PDX1: variants seen among roughly 807,000 people sequenced by gnomAD.
PDX1 encodes pancreatic and duodenal homeobox 1, also known as pancreas/duodenum homeobox protein 1.
Under a neutral mutation model 11.1 loss-of-function variants are expected in PDX1, and 7 were observed. The observed-to-expected ratio is 0.63, with a 90% confidence interval of 0.36 to 1.19. The LOEUF (loss-of-function observed/expected upper bound fraction) is 1.19, where lower values mean the gene tolerates loss of function less well. Ranked by LOEUF, PDX1 falls within the 50% of genes most tolerant of loss-of-function variation. The probability of loss-of-function intolerance (pLI) is 0.02; values close to 1 mark genes in which losing one functional copy is unlikely to be tolerated. For missense variants in PDX1, 449 were observed against 412.1 expected (o/e 1.09, Z -0.78); for synonymous variants, 232 against 196.2 (o/e 1.18, Z -1.53).
Position 27,924,190 on chromosome 13 carries a change from T to G in PDX1, c.407-66T>G. 1.4e-6 allele frequency: 2 copies of G among 1,405,666 alleles called. No homozygotes were observed. The highest frequency in any genetic ancestry group is 1.9e-6 in the Non-Finnish European group (2 of 1,049,250). 87.1% of individuals were successfully genotyped at this position (1,405,666 alleles called of 1,614,324 possible). The stretch of plus-strand genomic sequence containing the variant: ...GCTCCCTGGCCCCCCTTGAAGGGGT[T>G]GGGCTGCGTGGGTGGGGGCTGTGCG... On this transcript the variant is annotated intron_variant, in intron 1 of 1. Transcript: ENST00000381033. This position sits in a 1 kb window ranked among gnomAD's most constrained non-coding sequence, Gnocchi z 4.8.
chr13:27,920,349 C>G lies in PDX1; in HGVS notation c.211C>G (p.Pro71Ala). Residue 71 changes from proline (P) to alanine (A), a missense_variant, in exon 1 of 2, where the codon CCC becomes GCC. By Grantham distance (27) the Pro-to-Ala change is conservative. Around this residue, in one of 3 missense-constraint regions of PDX1, gnomAD observed 263 missense variants for 212.5 expected, o/e 1.24. Coordinates refer to ENST00000381033, the MANE Select transcript of PDX1 (RefSeq NM_000209.4). Reference protein sequence around the residue: ...SPPDISPYEVPPLADDPAVAH... With the variant: ...SPPDISPYEVAPLADDPAVAH... Reference sequence around the variant, plus strand: ...CCCGGACATCTCCCCGTACGAGGTGCCCCCCCTCGCCGACGACCCCGCGGT... The same window carrying G: ...CCCGGACATCTCCCCGTACGAGGTGGCCCCCCTCGCCGACGACCCCGCGGT... The G allele has an allele frequency of 6.5e-7, 1 of 1,531,384 alleles. No homozygotes were observed. The highest frequency in any genetic ancestry group is 8.8e-7 in the Non-Finnish European group (1 of 1,132,650). The allele number at this position is 1,531,384 out of a possible 1,614,324, so 94.9% of individuals were successfully genotyped here. A position where few individuals can be genotyped will look rare whatever the true frequency, so the allele number is the denominator to read the frequency against.
In PDX1 at chr13:27,924,569, G is replaced by A. The variant is rs1566025704; in HGVS notation, c.720G>A (p.Pro240=). The change falls in exon 2 of 2, where the codon CCG becomes CCA. Residue 240 remains proline (P), a synonymous_variant. Coordinates refer to ENST00000381033, the MANE Select transcript of PDX1 (RefSeq NM_000209.4). The surrounding 1 kb of genome is among the most constrained non-coding windows in gnomAD (Gnocchi z 4.8). ...GCGAGGAGCTTCTGGCGCTGCCGCC[G>A]CCGCCGCCCCCCGGAGGTGCTGTGC... ...TSGEELLALP[P]PPPPGGAVPP... 2.0e-6 allele frequency: 3 copies of A among 1,511,962 alleles called. No individual in the cohort carries two copies. The highest frequency in any genetic ancestry group is 2.6e-6 in the Non-Finnish European group (3 of 1,135,454). 93.7% of individuals were successfully genotyped at this position (1,511,962 alleles called of 1,614,324 possible).
At position 27,920,062 on chromosome 13, in the gene PDX1, T is replaced by G. The variant is rs1400484427; in HGVS notation, c.-77T>G. The G allele has an allele frequency of 2.6e-6, 4 of 1,523,660 alleles. No homozygotes were observed. The African/African-American group carries it at 5.5e-5, about 21-fold the overall frequency. 94.4% of individuals were successfully genotyped at this position (1,523,660 alleles called of 1,614,324 possible). ...CGCCGGGAGTGGGAACGCCACACAG[T>G]GCCAAATCCCCGGCTCCAGCTCCCG... On this transcript the variant is annotated 5_prime_UTR_variant, in exon 1 of 2. Coordinates refer to ENST00000381033, the MANE Select transcript of PDX1 (RefSeq NM_000209.4).
At chr13:27,920,756 G>T (rs1957780316) in intron 1 of PDX1, among the ~76,000 whole-genome samples, 1 of 152,156 alleles carries the variant, frequency 6.6e-6, no homozygotes, top group Non-Finnish European at 1.5e-5. Context: ...TCCTGGGAGT[G>T]TACACTCCTT....
At chr13:27,920,670 A>G (rs149360955) in intron 1 of PDX1, 126 bp downstream of exon 1, 4 of 948,508 alleles carry the variant, frequency 4.2e-6, no homozygotes, top group Non-Finnish European at 6.7e-6. Context: ...ACTAAACTAC[A>G]TCAGGGAGCT....
Position 27,924,369 on chromosome 13 carries a change from C to T in PDX1, c.520C>T (p.Pro174Ser). The change falls in exon 2 of 2, where the codon CCG becomes TCG. Residue 174 changes from proline (P) to serine (S), a missense_variant. Around this residue, in one of 3 missense-constraint regions of PDX1, gnomAD observed 47 missense variants for 78.2 expected, o/e 0.60. Coordinates refer to ENST00000381033, the MANE Select transcript of PDX1 (RefSeq NM_000209.4). This position sits in a 1 kb window ranked among gnomAD's most constrained non-coding sequence, Gnocchi z 4.8. ...CCTATTCAACAAGTACATCTCACGG[C>T]CGCGCCGGGTGGAGCTGGCTGTCAT... Reference protein sequence around the residue: ...EFLFNKYISRPRRVELAVMLN... With the variant: ...EFLFNKYISRSRRVELAVMLN... 4 of 1,612,824 alleles carry T rather than the reference C, an allele frequency of 2.5e-6. No individual in the cohort carries two copies. The highest frequency in any genetic ancestry group is 3.4e-6 in the Non-Finnish European group (4 of 1,179,916).
rs756308187 is a variant in PDX1 at position 27,920,539 on chromosome 13, G to T, written c.401G>T (p.Trp134Leu). The T allele has an allele frequency of 3.7e-6, 6 of 1,612,986 alleles. No homozygotes were observed. The Admixed American group carries it at 8.3e-5, about 22-fold the overall frequency. Residue 134 changes from tryptophan to leucine, a missense_variant, in exon 1 of 2, where the codon TGG (tryptophan) becomes TTG (leucine). Around this residue, in one of 3 missense-constraint regions of PDX1, gnomAD observed 263 missense variants for 212.5 expected, o/e 1.24. Transcript: ENST00000381033. ...AAAGCTCACGCGTGGAAAGGCCAGT[G>T]GGCAGGTAAGCCTGGCTCCCCACCC... ...STKAHAWKGQ[W>L]AGGAYAAEPE...
intron 1 of PDX1, among the ~76,000 whole-genome samples, chr13:27,923,542 G>A (rs1389354171): frequency 1.3e-5 from 2 of 152,198 alleles, no homozygotes; most frequent in Non-Finnish European, 2.9e-5. Context: ...GACTAATTAC[G>A]ATATAACTAT....
Position 27,924,758 on chromosome 13 carries a change from G to A in PDX1, c.*57G>A. The A allele has an allele frequency of 4.5e-6, 6 of 1,326,508 alleles. No individual in the cohort carries two copies. The highest frequency in any genetic ancestry group is 5.8e-6 in the Non-Finnish European group (6 of 1,026,100). 82.2% of individuals were successfully genotyped at this position (1,326,508 alleles called of 1,614,324 possible). A position where few individuals can be genotyped will look rare whatever the true frequency, so the allele number is the denominator to read the frequency against. On this transcript the variant is annotated 3_prime_UTR_variant, in exon 2 of 2. Transcript: ENST00000381033. The surrounding 1 kb of genome is among the most constrained non-coding windows in gnomAD (Gnocchi z 4.8). ...CAACCACTCGCCGAGGAGGAGCAGA[G>A]GGCCTAGGAGGACCCCGGGCGTGGA... is the stretch of plus-strand genomic sequence containing the variant.
At chr13:27,923,590 G>T (rs1593170044) in intron 1 of PDX1, among the ~76,000 whole-genome samples, 1 of 152,242 alleles carries the variant, frequency 6.6e-6, no homozygotes, top group African/African-American at 2.4e-5. Context: ...AACAAAATGT[G>T]TCACAGTCTC....
Position 27,924,757 on chromosome 13 carries a change from A to T in PDX1, c.*56A>T. ...TCAACCACTCGCCGAGGAGGAGCAG[A>T]GGGCCTAGGAGGACCCCGGGCGTGG... On this transcript the variant is annotated 3_prime_UTR_variant, in exon 2 of 2. Coordinates refer to ENST00000381033, the MANE Select transcript of PDX1 (RefSeq NM_000209.4). The surrounding 1 kb of genome is among the most constrained non-coding windows in gnomAD (Gnocchi z 4.8). 1 of 1,324,822 alleles carries T rather than the reference A, an allele frequency of 7.5e-7. No individual in the cohort carries two copies. Among genetic ancestry groups the T allele is most frequent in the East Asian group, 3.1e-5 (1 of 32,104 alleles). 82.1% of individuals were successfully genotyped at this position (1,324,822 alleles called of 1,614,324 possible). A position where few individuals can be genotyped will look rare whatever the true frequency, so the allele number is the denominator to read the frequency against.
At position 27,926,267 on chromosome 13, in the gene PDX1, GGAT is replaced by G. The variant is rs1399099120; in HGVS notation, c.*1570_*1572del. On this transcript the variant is annotated 3_prime_UTR_variant, in exon 2 of 2. Coordinates refer to ENST00000381033, the MANE Select transcript of PDX1 (RefSeq NM_000209.4). ...TTTGTTTCAAACCTTTCTGGCAGTGGGATGATTCGAATTCACTTTTAAAATTAA... is the reference window on the plus strand; with the variant it reads ...TTTGTTTCAAACCTTTCTGGCAGTGGGATTCGAATTCACTTTTAAAATTAA... The G allele has an allele frequency of 6.6e-6, 1 of 152,110 alleles. No homozygotes were observed. Among genetic ancestry groups the G allele is most frequent in the Non-Finnish European group, 1.5e-5 (1 of 68,020 alleles). The allele number at this position is 152,110 out of a possible 1,614,324, so 9.4% of individuals were successfully genotyped here.
chr13:27,920,858 T>C (rs1957781285), intron 1 of PDX1, among the ~76,000 whole-genome samples: 1 of 152,194 alleles, frequency 6.6e-6, no homozygotes, highest in Admixed American at 6.5e-5. Context: ...GCTCAGGGCT[T>C]CGGACACTAC....
chr13:27,923,020 A>C (rs566320613), intron 1 of PDX1, among the ~76,000 whole-genome samples: 48 of 152,084 alleles, frequency 3.2e-4, no homozygotes, highest in Non-Finnish European at 5.1e-4. Context: ...TCGCGAAATT[A>C]AACCCGCCCC....
intron 1 of PDX1, among the ~76,000 whole-genome samples, chr13:27,921,435 G>A (rs75988935): frequency 1.9e-4 from 29 of 152,222 alleles, no homozygotes; most frequent in Admixed American, 1.6e-3. Context: ...GGTCCTTTGC[G>A]GCCCCGCGCG....
intron 1 of PDX1, among the ~76,000 whole-genome samples, chr13:27,921,600 C>A (rs765353676): frequency 6.6e-6 from 1 of 152,240 alleles, no homozygotes; most frequent in Non-Finnish European, 1.5e-5. Context: ...AGCCGGCGTC[C>A]CCCGGCCCAC....
At position 27,920,146 on chromosome 13, in the gene PDX1, G is replaced by C. The variant is rs1380564366; in HGVS notation, c.8G>C (p.Gly3Ala). The change falls in exon 1 of 2, where the codon GGC becomes GCC. Residue 3 changes from glycine to alanine, a missense_variant. Transcript: ENST00000381033. MNGEEQYYAATQL... is the reference protein window; with the variant it reads MNAEEQYYAATQL... ...CAATCCCGGGCCGCAGCCATGAACG[G>C]CGAGGAGCAGTACTACGCGGCCACG... The C allele has an allele frequency of 2.6e-5, 40 of 1,549,648 alleles. No homozygotes were observed. The highest frequency in any genetic ancestry group is 3.3e-5 in the Non-Finnish European group (38 of 1,146,682).
chr13:27,924,956 G>A lies in PDX1; in HGVS notation c.*255G>A. The A allele has an allele frequency of 2.4e-6, 1 of 416,080 alleles. No individual in the cohort carries two copies. Among genetic ancestry groups the A allele is most frequent in the Non-Finnish European group, 4.2e-6 (1 of 239,322 alleles). 25.8% of individuals were successfully genotyped at this position (416,080 alleles called of 1,614,324 possible). On this transcript the variant is annotated 3_prime_UTR_variant, in exon 2 of 2. Coordinates refer to ENST00000381033, the MANE Select transcript of PDX1 (RefSeq NM_000209.4). This position sits in a 1 kb window ranked among gnomAD's most constrained non-coding sequence, Gnocchi z 4.8. ...TTTGTAGTATTGGGGCCCTCTTTTAGTGATACTGGATTGGCGTTGTTTGTG... is the reference window on the plus strand; with the variant it reads ...TTTGTAGTATTGGGGCCCTCTTTTAATGATACTGGATTGGCGTTGTTTGTG...
rs1957816934 is a variant in PDX1 at position 27,925,314 on chromosome 13, C to CTTCCTCCTGCTCTCCT, written c.*621_*636dup. The CTTCCTCCTGCTCTCCT allele has an allele frequency of 6.5e-6, 1 of 154,570 alleles. No homozygotes were observed. Among genetic ancestry groups the CTTCCTCCTGCTCTCCT allele is most frequent in the African/African-American group, 2.7e-5 (1 of 37,296 alleles). 9.6% of individuals were successfully genotyped at this position (154,570 alleles called of 1,614,324 possible). A position where few individuals can be genotyped will look rare whatever the true frequency, so the allele number is the denominator to read the frequency against. ...TCCTCTTCTTTTCCCTCCTCTTCCT[C>CTTCCTCCTGCTCTCCT]TTCCTCCTGCTCTCCTTTCCTCCCC... On this transcript the variant is annotated 3_prime_UTR_variant, in exon 2 of 2. Transcript: ENST00000381033.
Sources: gnomAD v4.1 joint callset for allele counts (sites outside exome capture counted in the v4.1 genomes callset) on GRCh38, gnomAD v4.1.1 for gene constraint, gnomAD v4.1.1 regional missense constraint, Gnocchi (gnomAD v3.1) non-coding constraint, MANE v1.5 for transcripts, NCBI Gene and HGNC (gene_info 2026-07-23, HGNC 2026-07-21) for gene names.